The following CCM2 variants were observed in gnomAD, a reference collection of about 807,000 sequenced individuals.
The protein encoded by CCM2 is cerebral cavernous malformations 2 protein.
Under a neutral mutation model 44.9 loss-of-function variants are expected in CCM2, and 25 were observed. The ratio of observed to expected loss-of-function variants is 0.56; its 90% CI spans 0.41 to 0.78. CCM2 has a LOEUF of 0.78. CCM2 is among the 30% of genes least tolerant of loss of function. The pLI is 0.00. For missense variants in CCM2, 481 were observed against 580.6 expected, an observed-to-expected ratio of 0.83 and a Z score of 1.76; for synonymous variants, 219 against 241.1, an observed-to-expected ratio of 0.91 and a Z score of 0.85.
At chr7:45,045,608 G>T (rs1212749278) in intron 2 of CCM2, among the ~76,000 whole-genome samples, 2 of 152,130 alleles carry the variant, frequency 1.3e-5, no homozygotes, top group African/African-American at 4.8e-5. Context: ...TGGCTAACAT[G>T]GTGAAACACT....
intron 2 of CCM2, among the ~76,000 whole-genome samples, chr7:45,054,797 G>A (rs2128742402): frequency 6.6e-6 from 1 of 152,348 alleles, no homozygotes; most frequent in Middle Eastern, 3.4e-3. Flanking sequence ...GTGGGTGTGG[G>A]CTGGGCATGG....
At chr7:45,060,811 C>G (rs1554374095) in intron 2 of CCM2, among the ~76,000 whole-genome samples, 1 of 152,196 alleles carries the variant, frequency 6.6e-6, no homozygotes, top group Non-Finnish European at 1.5e-5. Context: ...TCCATCTCTG[C>G]TTATGCTGCC....
In CCM2 at chr7:45,076,075, G is replaced by A; in HGVS notation, c.*18G>A. 6.2e-7 allele frequency: 1 copy of A among 1,612,760 alleles called. No homozygotes were observed. Among genetic ancestry groups the A allele is most frequent in the East Asian group, 2.2e-5 (1 of 44,866 alleles). On this transcript the variant is annotated 3_prime_UTR_variant, in exon 10 of 10. Transcript: ENST00000258781. ...CAGCATGATGGACAGTGGATGGGGG[G>A]GCACCCACACCTTCCGCGCAGTCGT...
chr7:45,038,476 C>T (rs1161529505), intron 2 of CCM2, 50 bp downstream of exon 2: 2 of 1,585,866 alleles, frequency 1.3e-6, no homozygotes, highest in South Asian at 2.2e-5. Context: ...CAGTGACGGT[C>T]ATGCTTGTAT....
At chr7:45,048,918 A>G (rs898798387) in intron 2 of CCM2, among the ~76,000 whole-genome samples, 22 of 152,218 alleles carry the variant, frequency 1.4e-4, no homozygotes, top group African/African-American at 5.3e-4. Flanking sequence ...AGGGTAATTA[A>G]TCACATTTGT....
intron 2 of CCM2, among the ~76,000 whole-genome samples, chr7:45,049,597 C>T (rs1022457525): frequency 6.6e-6 from 1 of 152,176 alleles, no homozygotes; most frequent in Non-Finnish European, 1.5e-5. Context: ...TTCTATTTAA[C>T]CAGTGATTTA....
At chr7:45,030,943 T>C (rs1796937152) in intron 1 of CCM2, among the ~76,000 whole-genome samples, 1 of 151,790 alleles carries the variant, frequency 6.6e-6, no homozygotes, top group Non-Finnish European at 1.5e-5. Context: ...AGGGTGGTCT[T>C]GAACATCTGA....
At chr7:45,036,821 A>G (rs967288372) in intron 1 of CCM2, among the ~76,000 whole-genome samples, 1 of 151,582 alleles carries the variant, frequency 6.6e-6, no homozygotes, top group African/African-American at 2.4e-5. Context: ...ATGTTTTGTT[A>G]GTTTCTGTGT....
At chr7:45,048,842 G>A (rs781255543) in intron 2 of CCM2, among the ~76,000 whole-genome samples, 17 of 152,190 alleles carry the variant, frequency 1.1e-4, no homozygotes, top group African/African-American at 4.1e-4. Context: ...CAAGGCTCAC[G>A]TGGGCTCACC....
intron 1 of CCM2, among the ~76,000 whole-genome samples, chr7:45,010,683 T>C (rs1796031962): frequency 6.6e-6 from 1 of 152,092 alleles, no homozygotes; most frequent in Non-Finnish European, 1.5e-5. Flanking sequence ...CTGTAACCTC[T>C]GCCTCCTGGG....
intron 6 of CCM2, chr7:45,070,810 A>G (rs1349548949): frequency 5.8e-6 from 1 of 171,390 alleles, no homozygotes; most frequent in Non-Finnish European, 1.3e-5. Context: ...AAAAAAAAAA[A>G]GGCTGTTGGA....
At chr7:45,022,829 C>T (rs1400758394) in intron 1 of CCM2, among the ~76,000 whole-genome samples, 1 of 151,982 alleles carries the variant, frequency 6.6e-6, no homozygotes, top group Non-Finnish European at 1.5e-5. Flanking sequence ...CAACCTCTGC[C>T]TCCCGACCTC....
At position 45,040,239 on chromosome 7, in the gene CCM2, C is replaced by G. The variant is rs189215683; in HGVS notation, c.204+1813C>G. On this transcript the variant is annotated intron_variant, in intron 2 of 9. Coordinates refer to ENST00000258781, the MANE Select transcript of CCM2 (RefSeq NM_031443.4). ...CTCTACTAAAAATACAAAAAATTAG[C>G]CGGGCGCGGTGGCGGGCACCTGTAG... Among the ~76,000 whole-genome samples the G allele has an allele frequency of 3.8e-3, 570 of 151,860 alleles. 2 individuals are homozygous for G. Among genetic ancestry groups the G allele is most frequent in the Non-Finnish European group, 6.8e-3 (464 of 67,930 alleles).
At chr7:45,069,800 C>G in intron 5 of CCM2, 26 bp from the exon 6 acceptor site, 2 of 1,613,602 alleles carry the variant, frequency 1.2e-6, no homozygotes, top group Non-Finnish European at 1.7e-6. Flanking sequence ...CCAGACTGAC[C>G]GAGCAGCTGC....
At chr7:45,012,903 G>A (rs755382375) in intron 1 of CCM2, among the ~76,000 whole-genome samples, 1 of 152,010 alleles carries the variant, frequency 6.6e-6, no homozygotes, top group Non-Finnish European at 1.5e-5. Flanking sequence ...CAAGTCTGGA[G>A]TTTTAAACTG....
chr7:45,072,803 A>G lies in CCM2; in HGVS notation c.803+20A>G. 6.2e-7 allele frequency: 1 copy of G among 1,601,316 alleles called. No homozygotes were observed. Among genetic ancestry groups the G allele is most frequent in the Non-Finnish European group, 8.5e-7 (1 of 1,170,334 alleles). On this transcript the variant is annotated intron_variant, in intron 7 of 9. Coordinates refer to ENST00000258781, the MANE Select transcript of CCM2 (RefSeq NM_031443.4). Reference sequence around the variant, plus strand: ...CACTTTGTGAGTGCACATGCCACCAAGCCCTGCGGTGGGACACGCACCAAA... The same window carrying G: ...CACTTTGTGAGTGCACATGCCACCAGGCCCTGCGGTGGGACACGCACCAAA...
chr7:45,001,429 G>T (rs1257696918), intron 1 of CCM2, among the ~76,000 whole-genome samples: 1 of 152,250 alleles, frequency 6.6e-6, no homozygotes, highest in Non-Finnish European at 1.5e-5. Context: ...GCAGGTGTTA[G>T]ATTAGAGATG....
In CCM2 at chr7:45,071,754, C is replaced by T. The variant is rs1239557442; in HGVS notation, c.746-972C>T. 3.7e-5 allele frequency: 17 copies of T among 456,528 alleles called. No homozygotes were observed. In the Admixed American group the frequency reaches 3.8e-4, roughly 10 times the overall value. The allele number at this position is 456,528 out of a possible 1,614,324, so 28.3% of individuals were successfully genotyped here. On this transcript the variant is annotated intron_variant, in intron 6 of 9. Transcript: ENST00000258781. ...GCCCTTCCTCTGTCTTCACAGCCAGCCACGTGACCTCTTCCACAGTCACAT... is the reference window on the plus strand; with the variant it reads ...GCCCTTCCTCTGTCTTCACAGCCAGTCACGTGACCTCTTCCACAGTCACAT...
chr7:45,049,960 A>G (rs1316391383), intron 2 of CCM2, among the ~76,000 whole-genome samples: 2 of 152,266 alleles, frequency 1.3e-5, no homozygotes, highest in African/African-American at 2.4e-5. Context: ...GGTATAAGTA[A>G]TCTAGAGATA....
Sources: allele counts gnomAD v4.1 joint callset (sites outside exome capture counted in the v4.1 genomes callset), GRCh38; gene constraint gnomAD v4.1.1; transcripts MANE v1.5; gene names NCBI Gene and HGNC (gene_info 2026-07-23, HGNC 2026-07-21).